GPC6: variants seen among roughly 807,000 people sequenced by gnomAD.
GPC6 encodes glypican 6, also known as glypican-6.
In GPC6, 14 loss-of-function variants were observed where a neutral mutation model predicts 55.2. That is an observed-to-expected ratio of 0.25 (90% confidence interval 0.17 to 0.40). GPC6 has a LOEUF of 0.40. Ranked by LOEUF, GPC6 falls within the 10% of genes least tolerant of loss-of-function variation. The pLI, the probability that GPC6 is intolerant of heterozygous loss-of-function variation, is 1.00. For synonymous variants in GPC6, 278 were observed against 259.6 expected (o/e 1.07, Z -0.68); for missense variants, 641 against 708.5 (o/e 0.90, Z 1.08).
intron 4 of GPC6, among the ~76,000 whole-genome samples, chr13:94,210,837 G>T (rs1890054035): frequency 6.6e-6 from 1 of 152,142 alleles, no homozygotes; most frequent in Non-Finnish European, 1.5e-5. Flanking sequence ...AAATACCAGG[G>T]CATAAAACAA....
intron 1 of GPC6, among the ~76,000 whole-genome samples, chr13:93,490,810 G>A (rs1474187377): frequency 3.7e-5 from 4 of 106,990 alleles, no homozygotes; most frequent in African/African-American, 7.0e-5. Context: ...GAGAATGATG[G>A]TTTCCAATTT....
intron 6 of GPC6, among the ~76,000 whole-genome samples, chr13:94,372,995 C>G (rs532278804): frequency 2.0e-5 from 3 of 152,288 alleles, no homozygotes; most frequent in Non-Finnish European, 4.4e-5. Flanking sequence ...AGACCTGCAG[C>G]TGAGGGTCCT....
intron 3 of GPC6, among the ~76,000 whole-genome samples, chr13:93,870,639 A>T (rs989698327): frequency 6.6e-6 from 1 of 151,798 alleles, no homozygotes; most frequent in African/African-American, 2.4e-5. Flanking sequence ...GGTAACTAAA[A>T]TGGAGATGTT....
chr13:94,194,231 T>C (rs962022419), intron 4 of GPC6, among the ~76,000 whole-genome samples: 3 of 152,234 alleles, frequency 2.0e-5, no homozygotes, highest in African/African-American at 4.8e-5. Context: ...ATAGGATATA[T>C]AGTTAAATTT....
chr13:94,242,474 G>A (rs1371429796), intron 4 of GPC6, among the ~76,000 whole-genome samples: 3 of 152,040 alleles, frequency 2.0e-5, no homozygotes, highest in African/African-American at 4.8e-5. Context: ...ATTCACAATA[G>A]CAAAGACTTG....
At position 94,156,851 on chromosome 13, in the gene GPC6, C is replaced by T. The variant is rs188438430; in HGVS notation, c.877+128957C>T. ...TGCCTCTCACAGCTATATTGATAGC[C>T]ATGGTTCTAAGTAATTAGATGAGTG... On this transcript the variant is annotated intron_variant, in intron 4 of 8. Transcript: ENST00000377047. Among the ~76,000 whole-genome samples the T allele has an allele frequency of 1.6e-4, 25 of 152,230 alleles. No individual in the cohort carries two copies. The East Asian group carries it at 3.3e-3, about 20-fold the overall frequency.
chr13:94,051,953 C>T (rs1883962599), intron 4 of GPC6, among the ~76,000 whole-genome samples: 1 of 152,030 alleles, frequency 6.6e-6, no homozygotes, highest in Admixed American at 6.6e-5. Context: ...AGAGTGCCTG[C>T]TAGATATGCT....
At chr13:93,623,368 G>T (rs1467772374) in intron 2 of GPC6, among the ~76,000 whole-genome samples, 1 of 151,582 alleles carries the variant, frequency 6.6e-6, no homozygotes, top group Non-Finnish European at 1.5e-5. Context: ...TTCCATAATG[G>T]CTGGACTAAT....
chr13:94,076,960 G>GTTTTT (rs56870429), intron 4 of GPC6, among the ~76,000 whole-genome samples: 1 of 126,108 alleles, frequency 7.9e-6, no homozygotes, highest in African/African-American at 2.9e-5. Context: ...TGGTGCTTCT[G>GTTTTT]TTTTTTTTTT....
rs140171042 is a variant in GPC6 at position 93,278,095 on chromosome 13, C to T, written c.160+50479C>T. Among the ~76,000 whole-genome samples the T allele has an allele frequency of 4.5e-4, 69 of 152,252 alleles. No individual in the cohort carries two copies. The East Asian group carries it at 0.011, about 25-fold the overall frequency. On this transcript the variant is annotated intron_variant, in intron 1 of 8. Coordinates refer to ENST00000377047, the MANE Select transcript of GPC6 (RefSeq NM_005708.5). The stretch of plus-strand genomic sequence containing the variant: ...GTAAACCTTATATTTGCGTTACTGG[C>T]TTTACAGTTTATCTTGCAAAACATT...
At chr13:93,513,854 C>T (rs1260595410) in intron 1 of GPC6, among the ~76,000 whole-genome samples, 6 of 147,366 alleles carry the variant, frequency 4.1e-5, no homozygotes, top group Admixed American at 6.8e-5. Context: ...ATCCCATGAA[C>T]GAATCCTTTG....
intron 4 of GPC6, among the ~76,000 whole-genome samples, chr13:94,078,557 G>C (rs1337237940): frequency 6.6e-6 from 1 of 151,830 alleles, no homozygotes; most frequent in East Asian, 1.9e-4. Flanking sequence ...AATGAAAGAA[G>C]AGACATTAAA....
intron 2 of GPC6, among the ~76,000 whole-genome samples, chr13:93,676,122 AAAAAAT>A (rs1881595855): frequency 8.2e-5 from 1 of 12,158 alleles, no homozygotes; most frequent in African/African-American, 2.1e-4. Flanking sequence ...AAAAAAAAAA[AAAAAAT>A]ATATATATAT....
At chr13:93,460,067 A>C (rs1013217539) in intron 1 of GPC6, among the ~76,000 whole-genome samples, 1 of 152,190 alleles carries the variant, frequency 6.6e-6, no homozygotes, top group Admixed American at 6.5e-5. Context: ...GTGAGGCTGA[A>C]ATAACTTCTG....
rs1881803377 is a variant in GPC6, at chr13:94,001,600, C to A, written c.712-26129C>A. Among the ~76,000 whole-genome samples, 4 of 152,076 alleles carry A rather than the reference C, an allele frequency of 2.6e-5. No homozygotes were observed. The South Asian group carries it at 8.3e-4, about 32-fold the overall frequency. On this transcript the variant is annotated intron_variant, in intron 3 of 8. Coordinates refer to ENST00000377047, the MANE Select transcript of GPC6 (RefSeq NM_005708.5). ...TAAACAAGTTTAGATAAATAGCATA[C>A]CCACTCTCTAAATTGTTGTGCGTTG...
chr13:93,811,336 C>G (rs976863566), intron 2 of GPC6, among the ~76,000 whole-genome samples: 2 of 152,178 alleles, frequency 1.3e-5, no homozygotes, highest in Non-Finnish European at 2.9e-5. Context: ...ACTAATTTCC[C>G]TCTTTGACAG....
Position 94,265,128 on chromosome 13 carries a change from A to G in GPC6, c.878-21221A>G, listed in dbSNP as rs182043140. ...TTAGGAAGATCCTAATGTGATGCACATGAAAACAGGAGAATCCGGTGGTTA... is the reference window on the plus strand; with the variant it reads ...TTAGGAAGATCCTAATGTGATGCACGTGAAAACAGGAGAATCCGGTGGTTA... On this transcript the variant is annotated intron_variant, in intron 4 of 8. Coordinates refer to ENST00000377047, the MANE Select transcript of GPC6 (RefSeq NM_005708.5). Among the ~76,000 whole-genome samples the G allele has an allele frequency of 3.7e-4, 56 of 152,292 alleles. No individual in the cohort carries two copies. The East Asian group carries it at 4.8e-3, about 13-fold the overall frequency.
At chr13:93,966,569 G>T (rs916428579) in intron 3 of GPC6, among the ~76,000 whole-genome samples, 1 of 151,616 alleles carries the variant, frequency 6.6e-6, no homozygotes, top group African/African-American at 2.4e-5. Context: ...AACTTGGACA[G>T]TCTTTCTTGC....
intron 1 of GPC6, among the ~76,000 whole-genome samples, chr13:93,383,766 T>C (rs920230717): frequency 5.9e-5 from 9 of 152,012 alleles, no homozygotes; most frequent in Admixed American, 2.6e-4. Context: ...CTGAATACAC[T>C]TTGAGTTTTC....
Sources: allele counts gnomAD v4.1 joint callset (sites outside exome capture counted in the v4.1 genomes callset), GRCh38; gene constraint gnomAD v4.1.1; transcripts MANE v1.5; gene names NCBI Gene and HGNC (gene_info 2026-07-23, HGNC 2026-07-21).